Variants in ADGRL3 observed in about 807,000 individuals in gnomAD.
ADGRL3 encodes the protein calcium-independent alpha-latrotoxin receptor 3.
ADGRL3 carries 62 observed loss-of-function variants against 153.5 expected under a neutral mutation model. That is an observed-to-expected ratio of 0.40 (90% CI 0.33 to 0.50). The LOEUF (loss-of-function observed/expected upper bound fraction) is 0.50, where lower values mean the gene tolerates loss of function less well. Ranked by LOEUF, ADGRL3 falls within the 20% of genes least tolerant of loss-of-function variation. The probability of loss-of-function intolerance (pLI) is 0.47; values close to 1 mark genes in which losing one functional copy is unlikely to be tolerated. For missense variants in ADGRL3, 1,641 were observed against 1,859.4 expected (o/e 0.88, Z 2.16); for synonymous variants, 710 against 672.5 (o/e 1.06, Z -0.86).
intron 1 of ADGRL3, among the ~76,000 whole-genome samples, chr4:61,239,895 C>G (rs1355498628): frequency 6.6e-6 from 1 of 152,082 alleles, no homozygotes; most frequent in Non-Finnish European, 1.5e-5. Flanking sequence ...TTAAGTTCAT[C>G]AACCTAAATG....
chr4:61,676,895 C>A lies in ADGRL3; in HGVS notation c.543C>A (p.Thr181=). Reference sequence around the variant, plus strand: ...TTTTTCCAGACCCGTGTCCAGGAACCTATAAATACCTTGAAGTGCAGTATG... The same window carrying A: ...TTTTTCCAGACCCGTGTCCAGGAACATATAAATACCTTGAAGTGCAGTATG... The part of the protein sequence containing the change: ...PDVFPDPCPG[T]YKYLEVQYEC... Residue 181 remains threonine, a synonymous_variant, in exon 6 of 27, where the codon ACC becomes ACA. Coordinates refer to ENST00000683033, the MANE Select transcript of ADGRL3 (RefSeq NM_001387552.1). The A allele has an allele frequency of 1.2e-6, 2 of 1,611,938 alleles. No individual in the cohort carries two copies. Among genetic ancestry groups the A allele is most frequent in the African/African-American group, 1.3e-5 (1 of 74,910 alleles).
Position 61,982,646 on chromosome 4 carries a change from T to C in ADGRL3, c.3016-737T>C, listed in dbSNP as rs527555554. On this transcript the variant is annotated intron_variant, in intron 18 of 26. Coordinates refer to ENST00000683033, the MANE Select transcript of ADGRL3 (RefSeq NM_001387552.1). ...ATAGTTGGTCAGCTGAAAATTGTAG[T>C]ACTTTAGAAAATATACAAAAATAAG... Among the ~76,000 whole-genome samples, 5 of 152,312 alleles carry C rather than the reference T, an allele frequency of 3.3e-5. No homozygotes were observed. The East Asian group carries it at 9.7e-4, about 29-fold the overall frequency.
rs2098102866 is a variant in ADGRL3, at chr4:61,479,172, A to AT, written c.-173-17942dup. 3.9e-5 allele frequency among the ~76,000 whole-genome samples: 6 copies of AT among 151,980 alleles called. No homozygotes were observed. The South Asian group carries it at 1.2e-3, about 32-fold the overall frequency. ...CCTCTTGACATCTTGACTCTTCAAC[A>AT]TTTTTTTCTTTTTTTGACACCAAGC... On this transcript the variant is annotated intron_variant, in intron 2 of 26. Coordinates refer to ENST00000683033, the MANE Select transcript of ADGRL3 (RefSeq NM_001387552.1).
chr4:61,565,717 T>G (rs1180574097), intron 4 of ADGRL3, among the ~76,000 whole-genome samples: 1 of 151,898 alleles, frequency 6.6e-6, no homozygotes, highest in Non-Finnish European at 1.5e-5. Flanking sequence ...TTTGTATTTT[T>G]AGTAGAGATG....
intron 3 of ADGRL3, 66 bp from the exon 4 acceptor site, chr4:61,517,249 C>A: frequency 1.5e-6 from 1 of 686,002 alleles, no homozygotes; most frequent in Non-Finnish European, 2.7e-6. Flanking sequence ...TAGCCTCTAC[C>A]AGGGCTCCCC....
chr4:61,420,456 A>G (rs28458360), intron 2 of ADGRL3: 40,289 of 133,088 alleles, frequency 0.3, 5,912 homozygotes, highest in Middle Eastern at 0.41. Flanking sequence ...GCCCAGGCTG[A>G]AGTGCAGTGG....
intron 9 of ADGRL3, among the ~76,000 whole-genome samples, chr4:61,869,977 AGAGAGAGAGAGAGG>A (rs1449398981): frequency 2.5e-4 from 27 of 107,900 alleles, no homozygotes; most frequent in African/African-American, 7.1e-4. Flanking sequence ...AGAGAGAGAA[AGAGAGAGAGAGAGG>A]GAGAGAGAGA....
intron 9 of ADGRL3, among the ~76,000 whole-genome samples, chr4:61,861,901 G>A (rs761493730): frequency 2.0e-5 from 3 of 152,084 alleles, no homozygotes; most frequent in Non-Finnish European, 2.9e-5. Context: ...GCTTTTCCAC[G>A]TAGGATTGAC....
chr4:61,889,905 T>C (rs1403795162), intron 9 of ADGRL3, among the ~76,000 whole-genome samples: 1 of 152,220 alleles, frequency 6.6e-6, no homozygotes, highest in Non-Finnish European at 1.5e-5. Flanking sequence ...GAGAGTTATA[T>C]GCTGATTAAA....
intron 11 of ADGRL3, among the ~76,000 whole-genome samples, chr4:61,898,944 T>C (rs2098647849): frequency 6.6e-6 from 1 of 152,026 alleles, no homozygotes. Context: ...CAAATAGGCT[T>C]TCCACTTGGC....
At chr4:61,383,617 T>C (rs972193880) in intron 2 of ADGRL3, among the ~76,000 whole-genome samples, 26 of 151,968 alleles carry the variant, frequency 1.7e-4, no homozygotes, top group African/African-American at 6.0e-4. Flanking sequence ...GTCATTTTTC[T>C]TTAATTCATT....
At chr4:61,666,672 A>T (rs913500446) in intron 5 of ADGRL3, among the ~76,000 whole-genome samples, 1 of 152,290 alleles carries the variant, frequency 6.6e-6, no homozygotes, top group South Asian at 2.1e-4. Context: ...GTAGTATATT[A>T]TATAACATAT....
chr4:61,269,042 T>G (rs1191371696), intron 1 of ADGRL3, among the ~76,000 whole-genome samples: 2 of 151,678 alleles, frequency 1.3e-5, no homozygotes, highest in African/African-American at 2.4e-5. Flanking sequence ...TCAGACATAA[T>G]GGATTCTTGT....
chr4:61,548,183 C>A (rs2098723015), intron 4 of ADGRL3, among the ~76,000 whole-genome samples: 1 of 151,994 alleles, frequency 6.6e-6, no homozygotes, highest in Admixed American at 6.6e-5. Flanking sequence ...GAATATTAGA[C>A]CTTTGTCAGA....
At chr4:61,464,325 T>C (rs762831665) in intron 2 of ADGRL3, among the ~76,000 whole-genome samples, 9 of 152,186 alleles carry the variant, frequency 5.9e-5, no homozygotes, top group Non-Finnish European at 1.2e-4. Context: ...AAGGGGTATA[T>C]AGGCATATGG....
At chr4:61,887,577 T>G (rs1420122366) in intron 9 of ADGRL3, among the ~76,000 whole-genome samples, 1 of 152,188 alleles carries the variant, frequency 6.6e-6, no homozygotes, top group Non-Finnish European at 1.5e-5. Context: ...CCAGGTGTGG[T>G]GGCCCACACC....
chr4:61,239,989 G>A (rs1040854475), intron 1 of ADGRL3, among the ~76,000 whole-genome samples: 1 of 152,082 alleles, frequency 6.6e-6, no homozygotes, highest in African/African-American at 2.4e-5. Context: ...ACCTCATTGG[G>A]ATTGTCTTAG....
chr4:61,422,517 C>A (rs1259564964), intron 2 of ADGRL3, among the ~76,000 whole-genome samples: 3 of 152,070 alleles, frequency 2.0e-5, no homozygotes, highest in African/African-American at 7.2e-5. Context: ...TTATTTTATA[C>A]TTGGTTATAT....
chr4:61,852,786 T>C (rs1340156079), intron 9 of ADGRL3, among the ~76,000 whole-genome samples: 2 of 151,520 alleles, frequency 1.3e-5, no homozygotes, highest in Non-Finnish European at 2.9e-5. Context: ...TTTCTCTCCA[T>C]AGAGGAATCC....
Sources: allele counts gnomAD v4.1 joint callset (sites outside exome capture counted in the v4.1 genomes callset), GRCh38; gene constraint gnomAD v4.1.1; transcripts MANE v1.5; gene names NCBI Gene and HGNC (gene_info 2026-07-23, HGNC 2026-07-21).